ANK1: variants seen among roughly 807,000 people sequenced by gnomAD.
ANK1 encodes the protein ankyrin 1, also known as ankyrin-1.
ANK1 carries 51 observed loss-of-function variants against 210.4 expected under a neutral mutation model. That is an observed-to-expected ratio of 0.24 (90% CI 0.19 to 0.31). The LOEUF (loss-of-function observed/expected upper bound fraction) is 0.31. ANK1 is among the 10% of genes least tolerant of loss of function. The probability of loss-of-function intolerance (pLI) is 1.00; values close to 1 mark genes in which losing one functional copy is unlikely to be tolerated. For missense variants in ANK1, 2,051 were observed against 2,504.4 expected, an observed-to-expected ratio of 0.82 and a Z score of 3.86; for synonymous variants, 967 against 1,025.9, an observed-to-expected ratio of 0.94 and a Z score of 1.10.
intron 24 of ANK1, 140 bp downstream of exon 24, chr8:41,697,903 C>T (rs969113946): frequency 2.8e-5 from 23 of 824,300 alleles, no homozygotes; most frequent in African/African-American, 1.2e-4. Context: ...GGCGTCCAAG[C>T]GTGGAATGCC....
intron 16 of ANK1, 79 bp from the exon 17 acceptor site, chr8:41,709,054 T>C: frequency 6.4e-7 from 1 of 1,569,960 alleles, no homozygotes; most frequent in Middle Eastern, 2.3e-4. Flanking sequence ...AGGGGCTGAG[T>C]CTGGTTCTTG....
chr8:41,792,802 A>C (rs1848010743), intron 1 of ANK1, among the ~76,000 whole-genome samples: 1 of 152,242 alleles, frequency 6.6e-6, no homozygotes, highest in Non-Finnish European at 1.5e-5. Context: ...ACCCTAGAGC[A>C]ATAATTTTCA....
intron 16 of ANK1, among the ~76,000 whole-genome samples, chr8:41,712,147 A>C (rs534172353): frequency 6.6e-6 from 1 of 151,154 alleles, no homozygotes; most frequent in Admixed American, 6.6e-5. Flanking sequence ...ATGGTCTTGA[A>C]CTCCTGACCT....
In ANK1 at chr8:41,738,749, A is replaced by C. The variant is rs538178836; in HGVS notation, c.130-4680T>G. Among the ~76,000 whole-genome samples, 77 of 152,336 alleles carry C rather than the reference A, an allele frequency of 5.1e-4. 2 individuals are homozygous for C. In the South Asian group the frequency reaches 0.016, roughly 32 times the overall value. On this transcript the variant is annotated intron_variant, in intron 2 of 42. Coordinates refer to ENST00000289734, the MANE Select transcript of ANK1 (RefSeq NM_000037.4). ...TCAAGTTTAAGTTAGCTTGGTTGCT[A>C]AAAGTAAAAGGCAGCTTGCTGAGAC...
At chr8:41,700,048 G>C (rs1240030657) in intron 22 of ANK1, among the ~76,000 whole-genome samples, 3 of 152,178 alleles carry the variant, frequency 2.0e-5, no homozygotes, top group Non-Finnish European at 4.4e-5. Context: ...CTACACCTCT[G>C]ACTGCCTCTT....
intron 3 of ANK1, among the ~76,000 whole-genome samples, chr8:41,731,561 G>C (rs563809145): frequency 1.1e-4 from 16 of 151,754 alleles, no homozygotes; most frequent in Non-Finnish European, 2.1e-4. Flanking sequence ...ATTGGTTTTG[G>C]CTTTTTACTC....
At chr8:41,800,671 T>C (rs1281154238), upstream of ANK1, among the ~76,000 whole-genome samples, 2 of 152,178 alleles carry the variant, frequency 1.3e-5, no homozygotes, top group African/African-American at 4.8e-5. Flanking sequence ...TCCTGAATTT[T>C]GTGTTTATCA....
chr8:41,819,993 C>A (rs1050131052), intron 1 of ANK1, among the ~76,000 whole-genome samples: 4 of 152,186 alleles, frequency 2.6e-5, no homozygotes, highest in Non-Finnish European at 5.9e-5. Flanking sequence ...CTGATCCCGC[C>A]CTGGGAGTCT....
intron 1 of ANK1, among the ~76,000 whole-genome samples, chr8:41,838,132 A>G (rs1808134067): frequency 1.3e-5 from 2 of 152,196 alleles, no homozygotes; most frequent in East Asian, 1.9e-4. Flanking sequence ...AGCATTTTAC[A>G]TGCTCCAGAC....
Position 41,797,534 on chromosome 8 carries a change from G to A in ANK1, c.5C>T (p.Pro2Leu), listed in dbSNP as rs753171851. The A allele has an allele frequency of 6.2e-7, 1 of 1,613,798 alleles. No individual in the cohort carries two copies. Among genetic ancestry groups the A allele is most frequent in the Non-Finnish European group, 8.5e-7 (1 of 1,179,906 alleles). ...CACTTCGCGGAAGCCCACAGAATAGGGCATGCCGGTCTTTCAGCAGGGGCC... is the reference window on the plus strand; with the variant it reads ...CACTTCGCGGAAGCCCACAGAATAGAGCATGCCGGTCTTTCAGCAGGGGCC... Reference protein sequence around the residue: MPYSVGFREADA... With the variant: MLYSVGFREADA... Residue 2 changes from proline (P) to leucine (L), a missense_variant, in exon 1 of 43, where the codon CCC becomes CTC. Transcript: ENST00000289734. The surrounding 1 kb of genome is among the most constrained non-coding windows in gnomAD (Gnocchi z 4.0).
chr8:41,767,720 G>A (rs1842160267), intron 1 of ANK1, among the ~76,000 whole-genome samples: 1 of 152,098 alleles, frequency 6.6e-6, no homozygotes, highest in South Asian at 2.1e-4. Context: ...GGCGGGCTCG[G>A]GGCGGGCGTC....
intron 21 of ANK1, among the ~76,000 whole-genome samples, 181 bp downstream of exon 21, chr8:41,701,871 G>C (rs1822902024): frequency 6.6e-6 from 1 of 152,146 alleles, no homozygotes; most frequent in South Asian, 2.1e-4. Flanking sequence ...CCTAGTCCTC[G>C]GGCCGCTAGG....
At chr8:41,828,094 C>G (rs1327394463) in intron 1 of ANK1, 2 of 152,250 alleles carry the variant, frequency 1.3e-5, no homozygotes, top group South Asian at 4.1e-4. Flanking sequence ...GGGCCGCGAG[C>G]GCTCAGGGAT....
intron 37 of ANK1, among the ~76,000 whole-genome samples, chr8:41,683,610 G>A (rs1816799418): frequency 1.3e-5 from 2 of 152,246 alleles, no homozygotes; most frequent in Non-Finnish European, 1.5e-5. Context: ...AGGAAGCCAC[G>A]TCACAGACAT....
intron 1 of ANK1, among the ~76,000 whole-genome samples, chr8:41,885,803 A>G (rs1563965031): frequency 6.6e-6 from 1 of 152,252 alleles, no homozygotes; most frequent in Non-Finnish European, 1.5e-5. Context: ...CCATAAATTC[A>G]GTGCAACTCT....
At chr8:41,669,973 C>T (rs1319179425) in intron 38 of ANK1, among the ~76,000 whole-genome samples, 1 of 152,110 alleles carries the variant, frequency 6.6e-6, no homozygotes, top group Admixed American at 6.5e-5. Context: ...TCCTCACCCT[C>T]ACCCTCAATT....
At chr8:41,663,901 G>A (rs1468296406) in intron 39 of ANK1, 159 bp from the exon 40 acceptor site, 2 of 699,568 alleles carry the variant, frequency 2.9e-6, no homozygotes, top group Non-Finnish European at 5.2e-6. Context: ...AGCCATGCCA[G>A]GGCTCCCAGG....
rs150859491 is a variant in ANK1 at position 41,712,486 on chromosome 8, A to C, written c.1800+1670T>G. On this transcript the variant is annotated intron_variant, in intron 16 of 42. Coordinates refer to ENST00000289734, the MANE Select transcript of ANK1 (RefSeq NM_000037.4). ...CCCCTCTGAGCTTCCCCTAAACCAG[A>C]ACTAAAATGAACAAATGAACTTCTG... Among the ~76,000 whole-genome samples the C allele has an allele frequency of 2.8e-3, 430 of 152,266 alleles. 2 individuals carry two copies. The highest frequency in any genetic ancestry group is 9.9e-3 in the African/African-American group (411 of 41,548).
At chr8:41,717,503 C>T (rs1024164917) in intron 12 of ANK1, 101 bp downstream of exon 12, 46 of 1,125,580 alleles carry the variant, frequency 4.1e-5, no homozygotes, top group Non-Finnish European at 5.0e-5. Context: ...TTCTGGGAAT[C>T]GTAGCTCTGT....
Sources: gnomAD v4.1 joint callset for allele counts (sites outside exome capture counted in the v4.1 genomes callset) on GRCh38, gnomAD v4.1.1 for gene constraint, Gnocchi (gnomAD v3.1) non-coding constraint, MANE v1.5 for transcripts, NCBI Gene and HGNC (gene_info 2026-07-23, HGNC 2026-07-21) for gene names.